The following DCHS2 variants were observed in gnomAD, a reference collection of about 807,000 sequenced individuals.
The protein encoded by DCHS2 is protocadherin-23.
Under a neutral mutation model 182.4 loss-of-function variants are expected in DCHS2, and 142 were observed. The ratio of observed to expected loss-of-function variants is 0.78; its 90% CI spans 0.68 to 0.89. The LOEUF (loss-of-function observed/expected upper bound fraction) is 0.89. Ranked by LOEUF, DCHS2 falls within the 40% of genes least tolerant of loss-of-function variation. DCHS2 has a pLI of 0.00. For missense variants in DCHS2, 4,319 were observed against 4,198.6 expected, an observed-to-expected ratio of 1.03 and a Z score of -0.79; for synonymous variants, 1,740 against 1,663.3, an observed-to-expected ratio of 1.05 and a Z score of -1.12.
Position 154,488,886 on chromosome 4 carries a change from ATG to A in DCHS2, c.2052+416_2052+417del, listed in dbSNP as rs748997852. On this transcript the variant is annotated intron_variant, in intron 1 of 19. Transcript: ENST00000357232. ...CACTCTGTTTGACAAAAATATATAT[ATG>A]TGTGTGTGTGTGTCTGTGTGTGTGT... is the stretch of plus-strand genomic sequence containing the variant. Among the ~76,000 whole-genome samples the A allele has an allele frequency of 5.0e-3, 595 of 118,030 alleles. 5 individuals carry two copies. The highest frequency in any genetic ancestry group is 8.3e-3 in the Non-Finnish European group (450 of 54,150). 77.4% of individuals were successfully genotyped at this position (118,030 alleles called of 152,430 possible).
chr4:154,465,203 T>C (rs886931660), intron 1 of DCHS2, among the ~76,000 whole-genome samples: 14 of 152,166 alleles, frequency 9.2e-5, no homozygotes, highest in African/African-American at 3.4e-4. Flanking sequence ...GCCGCAATCA[T>C]GTAAGCCTTG....
intron 1 of DCHS2, among the ~76,000 whole-genome samples, chr4:154,489,075 T>A (rs748635326): frequency 6.6e-6 from 1 of 151,816 alleles, no homozygotes; most frequent in Non-Finnish European, 1.5e-5. Flanking sequence ...AATCAAGATC[T>A]AAAAGTCAAG....
chr4:154,332,013 C>G lies in DCHS2; in HGVS notation c.3730+465G>C, dbSNP rs554764748. ...TATATTCTTAGAGTGATTTTGAAAT[C>G]TTAACCAATGAATTGATGTCTAGCT... On this transcript the variant is annotated intron_variant, in intron 5 of 19. Coordinates refer to ENST00000357232, the MANE Select transcript of DCHS2 (RefSeq NM_001358235.2). Among the ~76,000 whole-genome samples, 6 of 152,254 alleles carry G rather than the reference C, an allele frequency of 3.9e-5. No individual in the cohort carries two copies. In the East Asian group the frequency reaches 9.6e-4, roughly 24 times the overall value.
chr4:154,477,923 ATAT>A (rs1735754813), intron 1 of DCHS2, among the ~76,000 whole-genome samples: 1 of 152,220 alleles, frequency 6.6e-6, no homozygotes, highest in Admixed American at 6.5e-5. Context: ...AGGGTGGGAA[ATAT>A]TATCAGCTAA....
intron 1 of DCHS2, among the ~76,000 whole-genome samples, chr4:154,438,841 G>C (rs1249146086): frequency 2.6e-5 from 4 of 152,076 alleles, no homozygotes; most frequent in African/African-American, 7.2e-5. Context: ...CATTACAGAA[G>C]AGTAAAACCA....
chr4:154,323,082 G>T, intron 7 of DCHS2: 2 of 1,051,618 alleles, frequency 1.9e-6, no homozygotes, highest in Non-Finnish European at 2.7e-6. Flanking sequence ...CTCTCTATTT[G>T]TCCTTGCAAT....
intron 1 of DCHS2, among the ~76,000 whole-genome samples, chr4:154,477,072 C>T (rs1735714757): frequency 6.6e-6 from 1 of 152,146 alleles, no homozygotes; most frequent in Non-Finnish European, 1.5e-5. Context: ...TAACAAAATA[C>T]TGTAGGCTGG....
At position 154,235,445 on chromosome 4, in the gene DCHS2, C is replaced by T. The variant is rs61741036; in HGVS notation, c.9207G>A (p.Pro3069=). Reference sequence around the variant, plus strand: ...TGATACTTATTAAACTCAACCATTCCGGAGTGGCATCCACAGGGACCACCT... The same window carrying T: ...TGATACTTATTAAACTCAACCATTCTGGAGTGGCATCCACAGGGACCACCT... The part of the protein sequence containing the change: ...SNEVVPVDAT[P]EWLSLISIME... The change falls in exon 20 of 20, where the codon CCG becomes CCA. Residue 3069 remains proline (P), a synonymous_variant. Transcript: ENST00000357232. 40 of 1,614,058 alleles carry T rather than the reference C, an allele frequency of 2.5e-5. No individual in the cohort carries two copies. Among genetic ancestry groups the T allele is most frequent in the African/African-American group, 1.3e-4 (10 of 75,034 alleles).
chr4:154,416,153 G>A (rs905310820), intron 1 of DCHS2, among the ~76,000 whole-genome samples: 3 of 152,132 alleles, frequency 2.0e-5, no homozygotes, highest in Admixed American at 1.3e-4. Context: ...GGAAGAGGGC[G>A]CTAAGTCAAA....
chr4:154,374,682 T>C (rs765611397), intron 2 of DCHS2, among the ~76,000 whole-genome samples: 2 of 152,196 alleles, frequency 1.3e-5, no homozygotes, highest in Non-Finnish European at 2.9e-5. Context: ...GACTCATTTT[T>C]TCCCCAAAAT....
chr4:154,453,119 C>T (rs1451707860), intron 1 of DCHS2, among the ~76,000 whole-genome samples: 1 of 151,904 alleles, frequency 6.6e-6, no homozygotes, highest in Non-Finnish European at 1.5e-5. Context: ...GAGACCATCC[C>T]GTGCATGCAG....
intron 1 of DCHS2, among the ~76,000 whole-genome samples, chr4:154,462,908 T>C (rs537206310): frequency 1.3e-5 from 2 of 152,168 alleles, no homozygotes; most frequent in South Asian, 4.1e-4. Context: ...ACAACTAATA[T>C]GTATATGCTC....
At chr4:154,472,094 A>C (rs1345221276) in intron 1 of DCHS2, among the ~76,000 whole-genome samples, 1 of 152,244 alleles carries the variant, frequency 6.6e-6, no homozygotes, top group Non-Finnish European at 1.5e-5. Context: ...GTTATTAATT[A>C]ACATGACAGC....
intron 16 of DCHS2, among the ~76,000 whole-genome samples, chr4:154,247,644 A>C (rs1732141643): frequency 2.8e-4 from 1 of 3,546 alleles, no homozygotes; most frequent in Admixed American, 3.3e-3. Flanking sequence ...TCAAAAAAAA[A>C]AAAAAAAAAA....
chr4:154,269,393 C>A, intron 14 of DCHS2: 1 of 152,884 alleles, frequency 6.5e-6, no homozygotes, highest in Non-Finnish European at 1.5e-5. Context: ...TCATTTTAAA[C>A]AGTAATGGTC....
intron 3 of DCHS2, among the ~76,000 whole-genome samples, chr4:154,364,858 C>T (rs1438405370): frequency 6.6e-6 from 1 of 152,044 alleles, no homozygotes; most frequent in Non-Finnish European, 1.5e-5. Flanking sequence ...ACAATAGAAA[C>T]ACATTCTACC....
chr4:154,254,818 C>G (rs1732567515), intron 16 of DCHS2, among the ~76,000 whole-genome samples: 2 of 151,692 alleles, frequency 1.3e-5, no homozygotes, highest in Admixed American at 6.6e-5. Flanking sequence ...GTCTGGGCGA[C>G]AGAATAAGAC....
intron 13 of DCHS2, among the ~76,000 whole-genome samples, chr4:154,289,235 T>A (rs1413865263): frequency 6.6e-6 from 1 of 151,804 alleles, no homozygotes; most frequent in Non-Finnish European, 1.5e-5. Context: ...ATAAATAAAA[T>A]CAGAGGTGAA....
chr4:154,344,685 C>T (rs1454614957), intron 3 of DCHS2, among the ~76,000 whole-genome samples: 1 of 152,186 alleles, frequency 6.6e-6, no homozygotes, highest in Admixed American at 6.5e-5. Context: ...CTACCTCTAT[C>T]AAAAAGAGGA....
Sources: gnomAD v4.1 joint callset for allele counts (sites outside exome capture counted in the v4.1 genomes callset) on GRCh38, gnomAD v4.1.1 for gene constraint, MANE v1.5 for transcripts, NCBI Gene and HGNC (gene_info 2026-07-23, HGNC 2026-07-21) for gene names.